Variants in MTHFD1L observed in about 807,000 individuals in gnomAD.
MTHFD1L encodes the protein methylenetetrahydrofolate dehydrogenase (NADP+ dependent) 1 like.
Under a neutral mutation model 119.5 loss-of-function variants are expected in MTHFD1L, and 81 were observed. The ratio of observed to expected loss-of-function variants is 0.68; its 90% confidence interval spans 0.57 to 0.82. The LOEUF is 0.82. MTHFD1L is among the 40% of genes least tolerant of loss of function. The pLI is 0.00. For synonymous variants in MTHFD1L, 430 were observed against 475.2 expected, an observed-to-expected ratio of 0.90 and a Z score of 1.24; for missense variants, 1,125 against 1,253.4, an observed-to-expected ratio of 0.90 and a Z score of 1.55.
At chr6:151,001,040 G>C (rs569154272) in intron 20 of MTHFD1L, among the ~76,000 whole-genome samples, 4 of 152,144 alleles carry the variant, frequency 2.6e-5, no homozygotes, top group South Asian at 2.1e-4. Flanking sequence ...AGCCAGATAC[G>C]CCCCGTGCGC....
At chr6:150,994,796 G>A (rs1021860917) in intron 20 of MTHFD1L, among the ~76,000 whole-genome samples, 2 of 152,104 alleles carry the variant, frequency 1.3e-5, no homozygotes, top group Admixed American at 1.3e-4. Context: ...TAGTTGAATC[G>A]ATTGGGATAC....
In MTHFD1L at chr6:151,070,193, G is replaced by A. The variant is rs552333232; in HGVS notation, c.2848-22274G>A. Among the ~76,000 whole-genome samples, 12 of 152,232 alleles carry A rather than the reference G, an allele frequency of 7.9e-5. No homozygotes were observed. The East Asian group carries it at 2.3e-3, about 29-fold the overall frequency. ...GTTTTATAAATTATGTTTGGCAAATGATAATCCACAAAGTAGATTCTAAGT... is the reference window on the plus strand; with the variant it reads ...GTTTTATAAATTATGTTTGGCAAATAATAATCCACAAAGTAGATTCTAAGT... On this transcript the variant is annotated intron_variant, in intron 26 of 27. Coordinates refer to ENST00000367321, the MANE Select transcript of MTHFD1L (RefSeq NM_015440.5).
chr6:151,060,731 G>A (rs1027407924), intron 26 of MTHFD1L, among the ~76,000 whole-genome samples: 2 of 152,224 alleles, frequency 1.3e-5, no homozygotes, highest in Non-Finnish European at 2.9e-5. Flanking sequence ...CAGGAGATTT[G>A]GAATGAGCTG....
intron 27 of MTHFD1L, among the ~76,000 whole-genome samples, chr6:151,095,598 ACAAGAATTCCTCCAGAT>A (rs1302390175): frequency 6.6e-6 from 1 of 152,196 alleles, no homozygotes; most frequent in Non-Finnish European, 1.5e-5. Context: ...CTACTCCCTA[ACAAGAATTCCTCCAGAT>A]CTTATATACG....
intron 20 of MTHFD1L, among the ~76,000 whole-genome samples, chr6:150,973,367 T>A (rs1304314588): frequency 6.6e-6 from 1 of 152,226 alleles, no homozygotes; most frequent in Non-Finnish European, 1.5e-5. Context: ...TCTGCAGCTC[T>A]CATGTACTTT....
intron 27 of MTHFD1L, among the ~76,000 whole-genome samples, chr6:151,094,637 G>A (rs1794740457): frequency 6.6e-6 from 1 of 152,176 alleles, no homozygotes; most frequent in Admixed American, 6.5e-5. Context: ...TCTGTCTCCT[G>A]GGTTCAAGCA....
intron 4 of MTHFD1L, among the ~76,000 whole-genome samples, chr6:150,878,835 C>A (rs1780901853): frequency 6.6e-6 from 1 of 152,180 alleles, no homozygotes; most frequent in Admixed American, 6.5e-5. Flanking sequence ...AAGAGCAGTT[C>A]TTTGCAGTAC....
At chr6:151,058,337 T>C (rs1353730421) in intron 26 of MTHFD1L, among the ~76,000 whole-genome samples, 2 of 152,214 alleles carry the variant, frequency 1.3e-5, no homozygotes, top group Non-Finnish European at 2.9e-5. Context: ...GTGGGAGCAC[T>C]GATGCTCGGG....
At chr6:151,080,874 AG>A (rs903041975) in intron 26 of MTHFD1L, among the ~76,000 whole-genome samples, 20 of 152,102 alleles carry the variant, frequency 1.3e-4, no homozygotes, top group African/African-American at 3.6e-4. Context: ...CTATTGGATT[AG>A]GGCCCCATGC....
At chr6:150,916,377 CCGCAATCTCCGCCTCCCAGGTTCAAG>C (rs1229094385) in intron 8 of MTHFD1L, among the ~76,000 whole-genome samples, 1 of 139,286 alleles carries the variant, frequency 7.2e-6, no homozygotes, top group Admixed American at 7.5e-5. Context: ...TCTCGGCTCA[CCGCAATCTCCGCCTCCCAGGTTCAAG>C]CGATTCTCTG....
intron 15 of MTHFD1L, 87 bp from the exon 16 acceptor site, chr6:150,948,944 G>A: frequency 8.8e-7 from 1 of 1,140,122 alleles, no homozygotes; most frequent in Admixed American, 2.1e-5. Flanking sequence ...CAATCATGGA[G>A]AAAATAAAAT....
intron 22 of MTHFD1L, 26 bp from the exon 23 acceptor site, chr6:151,014,854 G>A: frequency 6.2e-7 from 1 of 1,600,442 alleles, no homozygotes; most frequent in Non-Finnish European, 8.5e-7. Context: ...ACAGGGGTCT[G>A]GGTTTTGCTT....
At chr6:150,957,563 A>G (rs985671882) in intron 17 of MTHFD1L, among the ~76,000 whole-genome samples, 2 of 152,168 alleles carry the variant, frequency 1.3e-5, no homozygotes, top group Non-Finnish European at 2.9e-5. Flanking sequence ...GTGTATTAGG[A>G]TATTTGTTGT....
At chr6:151,078,015 T>A (rs1792735733) in intron 26 of MTHFD1L, among the ~76,000 whole-genome samples, 1 of 117,812 alleles carries the variant, frequency 8.5e-6, no homozygotes, top group African/African-American at 3.2e-5. Flanking sequence ...ATCGCGCCAC[T>A]GCACTCCAGC....
intron 20 of MTHFD1L, among the ~76,000 whole-genome samples, chr6:150,988,921 G>A (rs1410457918): frequency 6.6e-6 from 1 of 151,954 alleles, no homozygotes; most frequent in African/African-American, 2.4e-5. Context: ...TGTATTTTTA[G>A]TAGAGATGGG....
At chr6:150,900,812 G>A (rs1404017686) in intron 7 of MTHFD1L, among the ~76,000 whole-genome samples, 8 of 151,398 alleles carry the variant, frequency 5.3e-5, no homozygotes, top group African/African-American at 1.2e-4. Flanking sequence ...TCAGGAGATC[G>A]AGACCATCCT....
chr6:150,878,087 C>G (rs1780764675), intron 4 of MTHFD1L, among the ~76,000 whole-genome samples: 1 of 152,182 alleles, frequency 6.6e-6, no homozygotes, highest in African/African-American at 2.4e-5. Context: ...GCAGCGTCAT[C>G]TAGTGGAAAT....
At chr6:150,877,602 T>G in intron 2 of MTHFD1L, 32 bp from the exon 3 acceptor site, 1 of 1,612,200 alleles carries the variant, frequency 6.2e-7, no homozygotes, top group Non-Finnish European at 8.5e-7. Context: ...CAAGCTATTT[T>G]TATGTTGTTA....
intron 20 of MTHFD1L, among the ~76,000 whole-genome samples, chr6:151,002,898 G>T (rs755528641): frequency 6.6e-6 from 1 of 152,194 alleles, no homozygotes; most frequent in East Asian, 1.9e-4. Flanking sequence ...TTGTTGGCGG[G>T]GGGAGGGTCC....
Sources: allele counts gnomAD v4.1 joint callset (sites outside exome capture counted in the v4.1 genomes callset), GRCh38; gene constraint gnomAD v4.1.1; transcripts MANE v1.5; gene names NCBI Gene and HGNC (gene_info 2026-07-23, HGNC 2026-07-21).